SPAG16: variants seen among roughly 807,000 people sequenced by gnomAD.
The protein encoded by SPAG16 is sperm associated antigen 16, also known as sperm-associated antigen 16 protein.
In SPAG16, 86 loss-of-function variants were observed where a neutral mutation model predicts 80.4. That is an observed-to-expected ratio of 1.07 (90% CI 0.90 to 1.28). The LOEUF (loss-of-function observed/expected upper bound fraction) is 1.28. Ranked by LOEUF, SPAG16 falls within the 50% of genes most tolerant of loss-of-function variation. The probability of loss-of-function intolerance (pLI) is 0.00; values close to 1 mark genes in which losing one functional copy is unlikely to be tolerated. For missense variants in SPAG16, 870 were observed against 765.3 expected, an observed-to-expected ratio of 1.14 and a Z score of -1.61; for synonymous variants, 294 against 265.9, an observed-to-expected ratio of 1.11 and a Z score of -1.03.
At chr2:213,365,072 AGGATTTTAG>A (rs1559458368) in intron 8 of SPAG16, 1 of 151,978 alleles carries the variant, frequency 6.6e-6, no homozygotes, top group East Asian at 1.9e-4. Context: ...AATTAAGCCT[AGGATTTTAG>A]GGTCATCAGC....
intron 7 of SPAG16, among the ~76,000 whole-genome samples, chr2:213,351,271 A>G (rs184635195): frequency 2.6e-5 from 4 of 152,224 alleles, no homozygotes; most frequent in Admixed American, 2.0e-4. Flanking sequence ...TTTGACAGCT[A>G]TAAACATTAA....
At chr2:214,267,110 A>G (rs998510598) in intron 15 of SPAG16, among the ~76,000 whole-genome samples, 2 of 151,824 alleles carry the variant, frequency 1.3e-5, no homozygotes, top group African/African-American at 4.8e-5. Context: ...TGGAACTACA[A>G]AAAATCCTGA....
At chr2:214,132,607 T>A (rs2054835021) in intron 14 of SPAG16, among the ~76,000 whole-genome samples, 1 of 152,166 alleles carries the variant, frequency 6.6e-6, no homozygotes, top group Admixed American at 6.5e-5. Context: ...GAGCCAAGTT[T>A]TAAGAATGGT....
intron 9 of SPAG16, among the ~76,000 whole-genome samples, chr2:213,440,601 G>A (rs1289921714): frequency 7.2e-5 from 11 of 151,964 alleles, no homozygotes; most frequent in Non-Finnish European, 1.5e-4. Flanking sequence ...CAATGTAACA[G>A]AATAAGAAGA....
chr2:213,689,555 T>G (rs2064849659), intron 10 of SPAG16, among the ~76,000 whole-genome samples: 1 of 115,792 alleles, frequency 8.6e-6, no homozygotes, highest in East Asian at 2.4e-4. Flanking sequence ...TTTTTTTTTT[T>G]GGTCTCACTT....
intron 13 of SPAG16, among the ~76,000 whole-genome samples, chr2:214,023,146 T>G (rs1232187591): frequency 6.6e-6 from 1 of 151,976 alleles, no homozygotes; most frequent in Non-Finnish European, 1.5e-5. Context: ...TCTCTGTAGC[T>G]TGCAGTAGGT....
rs577433482 is a variant in SPAG16 at position 213,725,042 on chromosome 2, T to G, written c.1071-137443T>G. On this transcript the variant is annotated intron_variant, in intron 10 of 15. Coordinates refer to ENST00000331683, the MANE Select transcript of SPAG16 (RefSeq NM_024532.5). ...CAAATAAGACTCTGCTCCTTTTTTT[T>G]TTTCTTTGAGGCATAGCCTGGCTCT... Among the ~76,000 whole-genome samples, 6 of 152,116 alleles carry G rather than the reference T, an allele frequency of 3.9e-5. No homozygotes were observed. In the East Asian group the frequency reaches 1.2e-3, roughly 29 times the overall value.
chr2:213,328,988 C>A (rs1269726990), intron 5 of SPAG16, among the ~76,000 whole-genome samples: 1 of 152,150 alleles, frequency 6.6e-6, no homozygotes, highest in African/African-American at 2.4e-5. Context: ...TTTCCCTGCA[C>A]AAGCTCTCCT....
Position 213,490,071 on chromosome 2 carries a change from C to T in SPAG16, c.1051C>T (p.His351Tyr), listed in dbSNP as rs1178338532. ...DYKLKNIFRLHELPVSCVSMQ... is the reference protein window; with the variant it reads ...DYKLKNIFRLYELPVSCVSMQ... ...CAAGCTGAAAAACATTTTTAGACTC[C>T]ATGAACTTCCAGTGAGCTGGTAGGA... Residue 351 changes from histidine to tyrosine, a missense_variant, in exon 10 of 16, where the codon CAT (histidine) becomes TAT (tyrosine). His to Tyr is a moderately conservative substitution (Grantham distance 83, BLOSUM62 2). Transcript: ENST00000331683. 12 of 1,592,586 alleles carry T rather than the reference C, an allele frequency of 7.5e-6. No individual in the cohort carries two copies. The Admixed American group carries it at 8.9e-5, about 12-fold the overall frequency.
At chr2:214,165,599 C>T (rs916423723) in intron 15 of SPAG16, among the ~76,000 whole-genome samples, 1 of 143,030 alleles carries the variant, frequency 7.0e-6, no homozygotes, top group Non-Finnish European at 1.5e-5. Flanking sequence ...TGGGCCTAAA[C>T]TATTCTATAA....
intron 10 of SPAG16, among the ~76,000 whole-genome samples, chr2:213,742,195 A>C (rs2067584456): frequency 6.6e-6 from 1 of 151,354 alleles, no homozygotes; most frequent in Non-Finnish European, 1.5e-5. Flanking sequence ...TTTCAATTAA[A>C]TTTTTTCCCT....
At chr2:214,277,890 GT>G (rs1025548158) in intron 15 of SPAG16, among the ~76,000 whole-genome samples, 2 of 152,206 alleles carry the variant, frequency 1.3e-5, no homozygotes, top group Non-Finnish European at 2.9e-5. Context: ...GCTGCCTTTT[GT>G]TCAACTATGC....
At chr2:214,264,331 C>G (rs1691391590) in intron 15 of SPAG16, among the ~76,000 whole-genome samples, 1 of 152,142 alleles carries the variant, frequency 6.6e-6, no homozygotes, top group Admixed American at 6.6e-5. Context: ...TCTTTCACTC[C>G]TCTCTCCTCA....
At chr2:213,777,134 A>G (rs916887907) in intron 10 of SPAG16, among the ~76,000 whole-genome samples, 1 of 152,014 alleles carries the variant, frequency 6.6e-6, no homozygotes, top group Non-Finnish European at 1.5e-5. Flanking sequence ...TATTTCCTAA[A>G]GAAACTATTG....
chr2:213,835,591 G>A (rs1430598130), intron 10 of SPAG16, among the ~76,000 whole-genome samples: 1 of 152,030 alleles, frequency 6.6e-6, no homozygotes, highest in African/African-American at 2.4e-5. Context: ...AGGTTTCATT[G>A]TGTACTATAA....
chr2:213,787,403 T>C lies in SPAG16; in HGVS notation c.1071-75082T>C, dbSNP rs115651386. On this transcript the variant is annotated intron_variant, in intron 10 of 15. Coordinates refer to ENST00000331683, the MANE Select transcript of SPAG16 (RefSeq NM_024532.5). ...TACTGAATTTTTACCTTATTCTAAG[T>C]AATTTTCATATATTAGCTTCTTTCA... 5.9e-3 allele frequency among the ~76,000 whole-genome samples: 894 copies of C among 152,234 alleles called. 1 individual carries two copies. The highest frequency in any genetic ancestry group is 8.8e-3 in the Non-Finnish European group (595 of 67,984).
intron 9 of SPAG16, among the ~76,000 whole-genome samples, chr2:213,413,166 C>T (rs2069075558): frequency 6.6e-6 from 1 of 151,992 alleles, no homozygotes; most frequent in African/African-American, 2.4e-5. Flanking sequence ...ATTGCATTAC[C>T]ATTCTTGTTG....
intron 15 of SPAG16, among the ~76,000 whole-genome samples, chr2:214,388,167 T>C (rs1291794076): frequency 6.6e-6 from 1 of 151,546 alleles, no homozygotes; most frequent in African/African-American, 2.4e-5. Context: ...CCTGGAAAAA[T>C]ATTAACAAAT....
intron 10 of SPAG16, among the ~76,000 whole-genome samples, chr2:213,544,106 G>A (rs992279434): frequency 4.7e-5 from 7 of 148,126 alleles, no homozygotes. Context: ...CTGGCTTTCT[G>A]ATTTTTTTTT....
Sources: gnomAD v4.1 joint callset for allele counts (sites outside exome capture counted in the v4.1 genomes callset) on GRCh38, gnomAD v4.1.1 for gene constraint, MANE v1.5 for transcripts, NCBI Gene and HGNC (gene_info 2026-07-23, HGNC 2026-07-21) for gene names.